The following RAB28 variants were observed in gnomAD, a reference collection of about 807,000 sequenced individuals.
RAB28 encodes the protein ras-related protein Rab-28.
In RAB28, 24 loss-of-function variants were observed where a neutral mutation model predicts 31.7. That is an observed-to-expected ratio of 0.76 (90% CI 0.55 to 1.06). The LOEUF (loss-of-function observed/expected upper bound fraction) is 1.06. RAB28 is among the 50% of genes least tolerant of loss of function. The pLI, the probability that RAB28 is intolerant of heterozygous loss-of-function variation, is 0.00. For synonymous variants in RAB28, 100 were observed against 90.4 expected (o/e 1.11, Z -0.60); for missense variants, 254 against 258.5 (o/e 0.98, Z 0.12).
intron 4 of RAB28, among the ~76,000 whole-genome samples, chr4:13,384,817 T>C (rs1191563634): frequency 6.6e-6 from 1 of 152,196 alleles, no homozygotes; most frequent in East Asian, 1.9e-4. Flanking sequence ...CCTTCTTTCC[T>C]CTAAATGACG....
chr4:13,401,018 G>T (rs1426127238), intron 4 of RAB28, among the ~76,000 whole-genome samples: 1 of 152,142 alleles, frequency 6.6e-6, no homozygotes, highest in Admixed American at 6.5e-5. Flanking sequence ...ATATTGGTCT[G>T]TAGTTTTCTT....
intron 4 of RAB28, among the ~76,000 whole-genome samples, chr4:13,389,557 A>T (rs1729535954): frequency 6.6e-6 from 1 of 152,182 alleles, no homozygotes; most frequent in Non-Finnish European, 1.5e-5. Context: ...ATACAAAAGT[A>T]AATAGTATAA....
chr4:13,470,673 A>G (rs570798644), intron 3 of RAB28, among the ~76,000 whole-genome samples: 1 of 152,172 alleles, frequency 6.6e-6, no homozygotes, highest in South Asian at 2.1e-4. Flanking sequence ...AGGGCACTAA[A>G]CACTATGTAC....
chr4:13,429,019 A>C (rs1713664934), intron 4 of RAB28, among the ~76,000 whole-genome samples: 1 of 147,770 alleles, frequency 6.8e-6, no homozygotes, highest in African/African-American at 2.5e-5. Flanking sequence ...ATCTCAGCTC[A>C]CTGCAACCTC....
Position 13,474,349 on chromosome 4 carries a change from T to A in RAB28, c.230A>T (p.Lys77Ile). The change falls in exon 3 of 7, where the codon AAA becomes ATA. Residue 77 changes from lysine (K) to isoleucine (I), a missense_variant. Physicochemically the swap from Lys to Ile is moderately radical, Grantham distance 102. Coordinates refer to ENST00000330852, the MANE Select transcript of RAB28 (RefSeq NM_001017979.3). ...WDIGGQTIGG[K>I]MLDKYIYGAQ... Reference sequence around the variant, plus strand: ...TCCATAGATATATTTATCCAACATTTTGCCTCCTATTGTCTGCCCTCCTAT... The same window carrying A: ...TCCATAGATATATTTATCCAACATTATGCCTCCTATTGTCTGCCCTCCTAT... The A allele has an allele frequency of 1.3e-6, 2 of 1,597,234 alleles. No homozygotes were observed. Among genetic ancestry groups the A allele is most frequent in the Non-Finnish European group, 1.7e-6 (2 of 1,167,220 alleles).
intron 4 of RAB28, among the ~76,000 whole-genome samples, chr4:13,429,540 C>T (rs1713691623): frequency 6.6e-6 from 1 of 151,974 alleles, no homozygotes; most frequent in Admixed American, 6.6e-5. Flanking sequence ...AACTTTACAA[C>T]AGAATTAAAA....
Position 13,407,439 on chromosome 4 carries a change from G to A in RAB28, c.392-25845C>T, listed in dbSNP as rs545590736. ...GTAGTAGGATTTGAAGTCAGGTAGCGTGATGCTTCCAGCTTTGTTCTGTTT... is the reference window on the plus strand; with the variant it reads ...GTAGTAGGATTTGAAGTCAGGTAGCATGATGCTTCCAGCTTTGTTCTGTTT... On this transcript the variant is annotated intron_variant, in intron 4 of 6. Transcript: ENST00000330852. Among the ~76,000 whole-genome samples, 23 of 152,258 alleles carry A rather than the reference G, an allele frequency of 1.5e-4. No homozygotes were observed. In the Middle Eastern group the frequency reaches 0.01, roughly 68 times the overall value.
At chr4:13,377,517 G>C (rs1011830015) in intron 5 of RAB28, among the ~76,000 whole-genome samples, 1 of 152,214 alleles carries the variant, frequency 6.6e-6, no homozygotes, top group Non-Finnish European at 1.5e-5. Context: ...CTGTGGTGGA[G>C]TGGAGAGAAA....
chr4:13,394,836 C>CA (rs111607982), intron 4 of RAB28, among the ~76,000 whole-genome samples: 5 of 152,032 alleles, frequency 3.3e-5, no homozygotes, highest in East Asian at 1.9e-4. Flanking sequence ...TGTCTGAGGA[C>CA]AAAAAAACAA....
chr4:13,404,994 C>G (rs934166535), intron 4 of RAB28, among the ~76,000 whole-genome samples: 25 of 150,600 alleles, frequency 1.7e-4, no homozygotes, highest in African/African-American at 6.1e-4. Flanking sequence ...AATAATCACT[C>G]CTAAAGATTT....
chr4:13,377,840 G>A (rs1728980136), intron 5 of RAB28, among the ~76,000 whole-genome samples: 1 of 152,208 alleles, frequency 6.6e-6, no homozygotes, highest in East Asian at 1.9e-4. Context: ...TCAAAGTACA[G>A]CCAAGGGGAT....
intron 4 of RAB28, among the ~76,000 whole-genome samples, chr4:13,446,335 G>A (rs1005870283): frequency 1.3e-5 from 2 of 152,140 alleles, no homozygotes; most frequent in Admixed American, 6.5e-5. Flanking sequence ...GAGCAAGATC[G>A]CTTGGCTCCC....
chr4:13,472,947 T>C (rs1716188680), intron 3 of RAB28, among the ~76,000 whole-genome samples: 1 of 151,970 alleles, frequency 6.6e-6, no homozygotes, highest in African/African-American at 2.4e-5. Flanking sequence ...GAAAATGCTA[T>C]AAATGTGAAC....
intron 4 of RAB28, among the ~76,000 whole-genome samples, chr4:13,422,615 C>T (rs1398707538): frequency 1.3e-5 from 2 of 152,070 alleles, no homozygotes; most frequent in African/African-American, 2.4e-5. Context: ...ATGGACGAAG[C>T]TGGAAACCAT....
intron 4 of RAB28, among the ~76,000 whole-genome samples, chr4:13,457,818 T>C (rs11945759): frequency 0.015 from 2,308 of 152,266 alleles, 65 homozygotes; most frequent in African/African-American, 0.052. Context: ...ATAGCATACA[T>C]ATAACATAAT....
At chr4:13,388,617 A>G (rs917719331) in intron 4 of RAB28, among the ~76,000 whole-genome samples, 1 of 152,098 alleles carries the variant, frequency 6.6e-6, no homozygotes, top group Non-Finnish European at 1.5e-5. Flanking sequence ...TGCAAATCAT[A>G]TATCTGACAA....
intron 2 of RAB28, 61 bp from the exon 3 acceptor site, chr4:13,474,467 C>G: frequency 1.0e-6 from 1 of 988,076 alleles, no homozygotes; most frequent in Non-Finnish European, 1.5e-6. Flanking sequence ...AACAATACAA[C>G]AAGTGACACA....
chr4:13,451,064 C>G (rs190810920), intron 4 of RAB28, among the ~76,000 whole-genome samples: 1 of 151,912 alleles, frequency 6.6e-6, no homozygotes, highest in African/African-American at 2.4e-5. Flanking sequence ...AATTTGGGAA[C>G]AGAACTGTAG....
intron 4 of RAB28, among the ~76,000 whole-genome samples, chr4:13,415,491 G>A (rs370102877): frequency 2.0e-5 from 3 of 152,170 alleles, no homozygotes; most frequent in East Asian, 1.9e-4. Context: ...CACTCAGAGC[G>A]CCCGGCCAGC....
Sources: allele counts gnomAD v4.1 joint callset (sites outside exome capture counted in the v4.1 genomes callset), GRCh38; gene constraint gnomAD v4.1.1; transcripts MANE v1.5; gene names NCBI Gene and HGNC (gene_info 2026-07-23, HGNC 2026-07-21).